FAM131A: variants seen among roughly 807,000 people sequenced by gnomAD.
FAM131A encodes protein FAM131A.
A neutral mutation model predicts 39.2 loss-of-function variants in FAM131A; 24 were observed. That is an observed-to-expected ratio of 0.61 (90% CI 0.44 to 0.86). The LOEUF is 0.86. Ranked by LOEUF, FAM131A falls within the 40% of genes least tolerant of loss-of-function variation. The pLI is 0.00. For missense variants in FAM131A, 373 were observed against 481.2 expected, an observed-to-expected ratio of 0.78 and a Z score of 2.10; for synonymous variants, 202 against 206.8, an observed-to-expected ratio of 0.98 and a Z score of 0.20.
intron 1 of FAM131A, among the ~76,000 whole-genome samples, chr3:184,337,995 A>C (rs1414871123): frequency 6.6e-6 from 1 of 152,110 alleles, no homozygotes; most frequent in Non-Finnish European, 1.5e-5. Context: ...AGAGAGAAGG[A>C]AGGCAACCCT....
intron 5 of FAM131A, among the ~76,000 whole-genome samples, chr3:184,343,389 C>T (rs1365876849): frequency 6.6e-6 from 1 of 152,256 alleles, no homozygotes; most frequent in African/African-American, 2.4e-5. Flanking sequence ...GTGGGCCTTT[C>T]TCTGGGCCAG....
chr3:184,342,386 C>G lies in FAM131A; in HGVS notation c.508+138C>G. ...GCAGTGATGCAATCTCAGCTCACTGCAACCTCTGCCACCCCAGTTCAAGCG... is the reference window on the plus strand; with the variant it reads ...GCAGTGATGCAATCTCAGCTCACTGGAACCTCTGCCACCCCAGTTCAAGCG... On this transcript the variant is annotated intron_variant, in intron 4 of 5. Transcript: ENST00000383847. The surrounding 1 kb of genome is among the most constrained non-coding windows in gnomAD (Gnocchi z 4.6). The G allele has an allele frequency of 9.6e-7, 1 of 1,040,662 alleles. No homozygotes were observed. The allele number at this position is 1,040,662 out of a possible 1,614,324, so 64.5% of individuals were successfully genotyped here.
chr3:184,343,535 T>G (rs1410578786), intron 5 of FAM131A, among the ~76,000 whole-genome samples: 5 of 152,158 alleles, frequency 3.3e-5, no homozygotes, highest in African/African-American at 9.7e-5. Context: ...CCCCACAACC[T>G]CTTTGCCTTT....
intron 2 of FAM131A, chr3:184,340,979 C>T (rs1167507252): frequency 6.5e-6 from 1 of 153,052 alleles, no homozygotes; most frequent in Non-Finnish European, 1.5e-5. Flanking sequence ...ACACTCACTA[C>T]ACTTTGGCCT....
Position 184,342,125 on chromosome 3 carries a change from G to C in FAM131A, c.385G>C (p.Val129Leu), listed in dbSNP as rs1474451916. The change falls in exon 4 of 6, where the codon GTG (valine) becomes CTG (leucine). Residue 129 changes from valine to leucine, a missense_variant. By Grantham distance (32) the Val-to-Leu change is conservative (BLOSUM62 1). Transcript: ENST00000383847. This position sits in a 1 kb window ranked among gnomAD's most constrained non-coding sequence, Gnocchi z 4.6. The stretch of plus-strand genomic sequence containing the variant: ...GCCTACCGCCATGGCCCAGGGCCGA[G>C]TGGCTCACCTCATTGAGTGGAAGGG... ...TKPTAMAQGR[V>L]AHLIEWKGWS... is the part of the protein sequence containing the mutation. 6.2e-7 allele frequency: 1 copy of C among 1,614,208 alleles called. No homozygotes were observed.
In FAM131A at chr3:184,345,576, G is replaced by A; in HGVS notation, c.*606G>A. The A allele has an allele frequency of 1.4e-6, 1 of 703,322 alleles. No individual in the cohort carries two copies. Among genetic ancestry groups the A allele is most frequent in the Non-Finnish European group, 2.6e-6 (1 of 385,060 alleles). The allele number at this position is 703,322 out of a possible 1,614,324, so 43.6% of individuals were successfully genotyped here. A position where few individuals can be genotyped will look rare whatever the true frequency, so the allele number is the denominator to read the frequency against. On this transcript the variant is annotated 3_prime_UTR_variant, in exon 6 of 6. Coordinates refer to ENST00000383847, the MANE Select transcript of FAM131A (RefSeq NM_144635.5). Reference sequence around the variant, plus strand: ...TCCTCTTTTTTCCTAAAGACAGAAGGTTTTTGGTCTGTTTTTTCAGTCGGA... The same window carrying A: ...TCCTCTTTTTTCCTAAAGACAGAAGATTTTTGGTCTGTTTTTTCAGTCGGA...
chr3:184,337,692 G>A lies in FAM131A; in HGVS notation c.62G>A (p.Arg21Gln), dbSNP rs1011561782. 3 of 1,537,160 alleles carry A rather than the reference G, an allele frequency of 2.0e-6. No individual in the cohort carries two copies. Among genetic ancestry groups the A allele is most frequent in the Admixed American group, 2.0e-5 (1 of 50,984 alleles). The change falls in exon 1 of 6, where the codon CGA (arginine) becomes CAA (glutamine). Residue 21 changes from arginine to glutamine, a missense_variant. Around this residue, in one of 2 missense-constraint regions of FAM131A, gnomAD observed 221 missense variants for 347.7 expected, o/e 0.64. Coordinates refer to ENST00000383847, the MANE Select transcript of FAM131A (RefSeq NM_144635.5). ...TGGCAGCGTGAAGGGCCTGGAGGAC[G>A]ATGGACTTGTCAGACAAGTCGCAGA... Reference protein sequence around the residue: ...FLWQREGPGGRWTCQTSRRVS... With the variant: ...FLWQREGPGGQWTCQTSRRVS...
intron 5 of FAM131A, among the ~76,000 whole-genome samples, chr3:184,344,008 G>A (rs186730593): frequency 1.2e-4 from 18 of 150,766 alleles, no homozygotes; most frequent in South Asian, 6.3e-4. Context: ...TTTTTGAGAC[G>A]GAGTTTCACT....
rs1185094140 is a variant in FAM131A, at chr3:184,344,390, C to T, written c.626-105C>T. On this transcript the variant is annotated intron_variant, in intron 5 of 5. Transcript: ENST00000383847. ...GGTTCAAGGTTACCCAGCACCTATC[C>T]ACCCCTAGAGCTATGCCAGGGGTGG... The T allele has an allele frequency of 3.6e-6, 4 of 1,101,138 alleles. No individual in the cohort carries two copies. In the East Asian group the frequency reaches 9.6e-5, roughly 27 times the overall value. The allele number at this position is 1,101,138 out of a possible 1,614,324, so 68.2% of individuals were successfully genotyped here.
In FAM131A at chr3:184,344,625, C is replaced by T. The variant is rs934698706; in HGVS notation, c.756C>T (p.Thr252=). The part of the protein sequence containing the change: ...SDCSQTVSPD[T]LCSSLCSLED... ...GCTCACAGACCGTGTCCCCAGACAC[C>T]CTGTGCTCTAGTCTGTGCAGCCTGG... Residue 252 remains threonine, a synonymous_variant, in exon 6 of 6, where the codon ACC becomes ACT. Coordinates refer to ENST00000383847, the MANE Select transcript of FAM131A (RefSeq NM_144635.5). 2.5e-6 allele frequency: 4 copies of T among 1,612,992 alleles called. No homozygotes were observed. The highest frequency in any genetic ancestry group is 1.1e-5 in the South Asian group (1 of 91,066).
intron 1 of FAM131A, among the ~76,000 whole-genome samples, 166 bp from the exon 2 acceptor site, chr3:184,338,221 G>C (rs1369356385): frequency 1.3e-5 from 2 of 152,122 alleles, no homozygotes; most frequent in African/African-American, 2.4e-5. Flanking sequence ...CCGAGGGTCA[G>C]TGATGTGTGG....
In FAM131A at chr3:184,342,974, A is replaced by G; in HGVS notation, c.625+114A>G. ...TTTGCAAGGGGAGGGAGAGGGACAG[A>G]CTCAGTCCAGGCAGGCCTGGACACT... On this transcript the variant is annotated intron_variant, in intron 5 of 5. Coordinates refer to ENST00000383847, the MANE Select transcript of FAM131A (RefSeq NM_144635.5). The surrounding 1 kb of genome is among the most constrained non-coding windows in gnomAD (Gnocchi z 4.6). 2.2e-6 allele frequency: 2 copies of G among 913,730 alleles called. No homozygotes were observed. The highest frequency in any genetic ancestry group is 1.7e-6 in the Non-Finnish European group (1 of 571,486). The allele number at this position is 913,730 out of a possible 1,614,324, so 56.6% of individuals were successfully genotyped here.
chr3:184,337,673 C>G lies in FAM131A; in HGVS notation c.43C>G (p.Arg15Gly). The G allele has an allele frequency of 1.3e-6, 2 of 1,537,180 alleles. No individual in the cohort carries two copies. The highest frequency in any genetic ancestry group is 1.7e-6 in the Non-Finnish European group (2 of 1,146,920). The change falls in exon 1 of 6, where the codon CGT (arginine) becomes GGT (glycine). Residue 15 changes from arginine (R) to glycine (G), a missense_variant. Arg to Gly is a moderately radical substitution (Grantham distance 125). Transcript: ENST00000383847. ...SVLGKMFLWQREGPGGRWTCQ... is the reference protein window; with the variant it reads ...SVLGKMFLWQGEGPGGRWTCQ... ...GCTGGGCAAAATGTTTCTGTGGCAG[C>G]GTGAAGGGCCTGGAGGACGATGGAC...
chr3:184,337,248 G>T, upstream of FAM131A: 1 of 206,288 alleles, frequency 4.8e-6, no homozygotes, highest in South Asian at 8.1e-5. Flanking sequence ...CGAGAGCCCT[G>T]GTTAGGTACC....
At chr3:184,337,331 TGGCCGA>T (rs1727165384), upstream of FAM131A, 4 of 294,336 alleles carry the variant, frequency 1.4e-5, no homozygotes, top group Admixed American at 2.0e-4. Flanking sequence ...GACCAACAGC[TGGCCGA>T]GGCTCAGGGA....
chr3:184,341,829 C>T lies in FAM131A; in HGVS notation c.325+12C>T, dbSNP rs549519004. The T allele has an allele frequency of 5.9e-5, 96 of 1,613,742 alleles. 2 individuals carry two copies. The South Asian group carries it at 8.0e-4, about 13-fold the overall frequency. ...GTCCTCCCTGCATGGTATGCAGCCCCTCCCATGTTTCTGGCCACTTTGTCC... is the reference window on the plus strand; with the variant it reads ...GTCCTCCCTGCATGGTATGCAGCCCTTCCCATGTTTCTGGCCACTTTGTCC... On this transcript the variant is annotated intron_variant, in intron 3 of 5. Transcript: ENST00000383847.
In FAM131A at chr3:184,342,973, G is replaced by T. The variant is rs9682844; in HGVS notation, c.625+113G>T. Reference sequence around the variant, plus strand: ...CTTTGCAAGGGGAGGGAGAGGGACAGACTCAGTCCAGGCAGGCCTGGACAC... The same window carrying T: ...CTTTGCAAGGGGAGGGAGAGGGACATACTCAGTCCAGGCAGGCCTGGACAC... On this transcript the variant is annotated intron_variant, in intron 5 of 5. Coordinates refer to ENST00000383847, the MANE Select transcript of FAM131A (RefSeq NM_144635.5). This position sits in a 1 kb window ranked among gnomAD's most constrained non-coding sequence, Gnocchi z 4.6. 24 of 925,392 alleles carry T rather than the reference G, an allele frequency of 2.6e-5. No homozygotes were observed. The highest frequency in any genetic ancestry group is 3.6e-5 in the Non-Finnish European group (21 of 579,948). 57.3% of individuals were successfully genotyped at this position (925,392 alleles called of 1,614,324 possible). A position where few individuals can be genotyped will look rare whatever the true frequency, so the allele number is the denominator to read the frequency against.
At chr3:184,336,396 G>A (rs1001685586), upstream of FAM131A, among the ~76,000 whole-genome samples, 4 of 152,192 alleles carry the variant, frequency 2.6e-5, no homozygotes, top group African/African-American at 9.7e-5. The surrounding 1 kb of genome is among the most constrained non-coding windows in gnomAD (Gnocchi z 5.5). Flanking sequence ...GCTCAGGGTG[G>A]CCGGAGACGC....
intron 2 of FAM131A, chr3:184,340,315 T>G: frequency 3.3e-5 from 1 of 30,742 alleles, no homozygotes; most frequent in Non-Finnish European, 6.8e-5. Flanking sequence ...AGCCTATGCA[T>G]TTTTTTTTTT....
Sources: gnomAD v4.1 joint callset for allele counts (sites outside exome capture counted in the v4.1 genomes callset) on GRCh38, gnomAD v4.1.1 for gene constraint, gnomAD v4.1.1 regional missense constraint, Gnocchi (gnomAD v3.1) non-coding constraint, MANE v1.5 for transcripts, NCBI Gene and HGNC (gene_info 2026-07-23, HGNC 2026-07-21) for gene names.